Variants in ZC4H2 observed in about 807,000 individuals in gnomAD.
The protein encoded by ZC4H2 is zinc finger C4H2 domain-containing protein.
For missense variants in ZC4H2, 137 were observed against 173.9 expected (o/e 0.79, Z 1.19); for synonymous variants, 84 against 66.3 (o/e 1.27, Z -1.30).
intron 1 of ZC4H2, among the ~76,000 whole-genome samples, chrX:64,948,617 GT>G (rs1359736544): frequency 8.9e-6 from 1 of 111,873 alleles, no homozygotes; most frequent in Non-Finnish European, 1.9e-5. Context: ...CACCTTATCT[GT>G]ACTTCTGTCT....
chrX:64,928,212 A>G (rs1929518565), intron 1 of ZC4H2, among the ~76,000 whole-genome samples: 1 of 111,937 alleles, frequency 8.9e-6, no homozygotes, highest in African/African-American at 3.2e-5. Context: ...CTATGTCCTG[A>G]ATGGTATTGC....
At chrX:64,963,988 A>C (rs1444070936) in intron 1 of ZC4H2, among the ~76,000 whole-genome samples, 1 of 111,265 alleles carries the variant, frequency 9.0e-6, no homozygotes, top group Non-Finnish European at 1.9e-5. Context: ...TAAAATAGTC[A>C]AATTCTTAGA....
At chrX:64,995,111 T>TAA (rs372668451) in intron 1 of ZC4H2, among the ~76,000 whole-genome samples, 5 of 84,035 alleles carry the variant, frequency 5.9e-5, no homozygotes, top group Admixed American at 1.3e-4. Flanking sequence ...CCCTTGTCAT[T>TAA]AAAAAAAAAA....
At chrX:64,948,212 T>G (rs1191672236) in intron 1 of ZC4H2, among the ~76,000 whole-genome samples, 1 of 111,711 alleles carries the variant, frequency 9.0e-6, no homozygotes, top group African/African-American at 3.3e-5. Context: ...TCATCCAAAC[T>G]TGGTTTATAA....
chrX:64,934,273 T>C (rs1327644949), intron 1 of ZC4H2, among the ~76,000 whole-genome samples: 1 of 112,533 alleles, frequency 8.9e-6, no homozygotes, highest in Non-Finnish European at 1.9e-5. Context: ...TTAACATTTT[T>C]ACTCCATTGT....
intron 1 of ZC4H2, among the ~76,000 whole-genome samples, chrX:64,986,277 T>C (rs1932184045): frequency 8.9e-6 from 1 of 112,361 alleles, no homozygotes; most frequent in South Asian, 3.6e-4. Flanking sequence ...CTTTTTGGTC[T>C]ATTAGTCCTC....
chrX:64,987,738 T>A (rs1431362695), intron 1 of ZC4H2, among the ~76,000 whole-genome samples: 2 of 109,748 alleles, frequency 1.8e-5, no homozygotes, highest in Non-Finnish European at 3.8e-5. Context: ...AATTCTTTTT[T>A]TTATTATTAT....
chrX:65,006,311 A>C (rs1286334741), intron 1 of ZC4H2, among the ~76,000 whole-genome samples: 1 of 111,725 alleles, frequency 9.0e-6, no homozygotes, highest in African/African-American at 3.3e-5. Context: ...AACCAACCCA[A>C]ATTCCCATCA....
At chrX:65,010,219 T>C (rs986061458) in intron 1 of ZC4H2, among the ~76,000 whole-genome samples, 9 of 112,259 alleles carry the variant, frequency 8.0e-5, no homozygotes, top group African/African-American at 2.6e-4. Flanking sequence ...CACAATGGAA[T>C]TGTCTATTTT....
intron 1 of ZC4H2, among the ~76,000 whole-genome samples, chrX:65,009,855 C>A (rs1932730946): frequency 9.0e-6 from 1 of 111,722 alleles, no homozygotes; most frequent in Non-Finnish European, 1.9e-5. Context: ...AGTGTCATAT[C>A]TTCAGTCAGC....
At chrX:64,923,434 C>T (rs181337743) in intron 1 of ZC4H2, among the ~76,000 whole-genome samples, 1 of 110,222 alleles carries the variant, frequency 9.1e-6, no homozygotes, top group Non-Finnish European at 1.9e-5. Flanking sequence ...CTCCTTTCTT[C>T]TCCCTCAGTA....
chrX:64,967,714 A>G (rs1931638686), intron 1 of ZC4H2, among the ~76,000 whole-genome samples: 1 of 112,085 alleles, frequency 8.9e-6, no homozygotes, highest in Non-Finnish European at 1.9e-5. Context: ...AGGTGAATAA[A>G]TAAAGGTCCA....
intron 1 of ZC4H2, among the ~76,000 whole-genome samples, chrX:64,944,945 C>T (rs916290899): frequency 5.3e-5 from 6 of 112,495 alleles, no homozygotes; most frequent in African/African-American, 1.3e-4. Context: ...TTATGTTTTC[C>T]TCTAAACTGG....
intron 1 of ZC4H2, among the ~76,000 whole-genome samples, chrX:65,028,677 G>A (rs745504221): frequency 1.8e-5 from 2 of 110,769 alleles, no homozygotes; most frequent in East Asian, 2.8e-4. Flanking sequence ...GACCACAGAC[G>A]TGAGCCACTA....
At position 64,956,184 on chromosome X, in the gene ZC4H2, T is replaced by C. The variant is rs141587524; in HGVS notation, c.53+20141A>G. On this transcript the variant is annotated intron_variant, in intron 1 of 4. Transcript: ENST00000374839. ...TGCAGCTGCTGGCACTTGTCGCCTA[T>C]GGAGAAATACATAAAATGTAGAATA... 2.8e-3 allele frequency among the ~76,000 whole-genome samples: 311 copies of C among 111,948 alleles called. 3 individuals are homozygous for C. Among genetic ancestry groups the C allele is most frequent in the African/African-American group, 9.6e-3 (297 of 30,876 alleles).
intron 1 of ZC4H2, among the ~76,000 whole-genome samples, chrX:65,011,698 C>T (rs1932756167): frequency 9.1e-6 from 1 of 109,298 alleles, no homozygotes; most frequent in Non-Finnish European, 1.9e-5. Flanking sequence ...TAAAGTATGC[C>T]ATCTTTTTTT....
chrX:64,915,911 C>T lies in ZC4H2; in HGVS notation c.*1872G>A, dbSNP rs1207154512. The T allele has an allele frequency of 5.4e-5, 6 of 111,914 alleles. No homozygotes were observed. Among genetic ancestry groups the T allele is most frequent in the African/African-American group, 1.3e-4 (4 of 30,786 alleles). The allele number at this position is 111,914 out of a possible 1,213,427, so 9.2% of individuals were successfully genotyped here. A position where few individuals can be genotyped will look rare whatever the true frequency, so the allele number is the denominator to read the frequency against. On this transcript the variant is annotated 3_prime_UTR_variant, in exon 5 of 5. Transcript: ENST00000374839. ...TGTACAGGATATTATTTAGAGAGCC[C>T]TTGGCCTTTATATCCCTGAATCAGT...
At chrX:64,925,024 A>G (rs1306699029) in intron 1 of ZC4H2, among the ~76,000 whole-genome samples, 1 of 111,352 alleles carries the variant, frequency 9.0e-6, no homozygotes, top group Non-Finnish European at 1.9e-5. Context: ...TACTTTACAC[A>G]TTATGTGGTG....
intron 1 of ZC4H2, among the ~76,000 whole-genome samples, chrX:64,940,850 C>T (rs941134291): frequency 2.7e-5 from 3 of 111,799 alleles, no homozygotes; most frequent in Non-Finnish European, 3.8e-5. Flanking sequence ...CAGCTTTGTT[C>T]TTTTTGCTTA....
Sources: gnomAD v4.1 joint callset for allele counts (sites outside exome capture counted in the v4.1 genomes callset) on GRCh38, gnomAD v4.1.1 for gene constraint, MANE v1.5 for transcripts, NCBI Gene and HGNC (gene_info 2026-07-23, HGNC 2026-07-21) for gene names.